The following TMCO6 variants were observed in gnomAD, a reference collection of about 807,000 sequenced individuals.
TMCO6 encodes transmembrane and coiled-coil domain-containing protein 6.
In TMCO6, 47 loss-of-function variants were observed where a neutral mutation model predicts 61.8. The ratio of observed to expected loss-of-function variants is 0.76; its 90% CI spans 0.60 to 0.97. The LOEUF is 0.97. TMCO6 is among the 50% of genes least tolerant of loss of function. TMCO6 has a pLI of 0.00. For missense variants in TMCO6, 557 were observed against 601.6 expected (o/e 0.93, Z 0.78); for synonymous variants, 261 against 254.2 (o/e 1.03, Z -0.25).
upstream of TMCO6, among the ~76,000 whole-genome samples, chr5:140,638,318 C>T (rs1756825673): frequency 6.6e-6 from 1 of 152,094 alleles, no homozygotes; most frequent in Non-Finnish European, 1.5e-5. Context: ...GAAGGGGTGC[C>T]TGTAATGAAC....
At chr5:140,624,373 GAATAAATA>G in the TMCO6 span, among the ~76,000 whole-genome samples, 2 of 150,812 alleles carry the variant, frequency 1.3e-5, no homozygotes, top group African/African-American at 2.4e-5. Flanking sequence ...CAAAATAAAT[GAATAAATA>G]AATAAATAAA....
the TMCO6 span, among the ~76,000 whole-genome samples, chr5:140,622,453 A>C: frequency 6.6e-6 from 1 of 152,156 alleles, no homozygotes; most frequent in Non-Finnish European, 1.5e-5. Context: ...CAGGATACAC[A>C]GGAGTGGAGG....
At chr5:140,644,800 C>T in intron 11 of TMCO6, 60 bp downstream of exon 11, 1 of 1,589,114 alleles carries the variant, frequency 6.3e-7, no homozygotes, top group Non-Finnish European at 8.6e-7. Flanking sequence ...CAGTGGCTCC[C>T]TTCCCATCCA....
chr5:140,631,817 C>G, the TMCO6 span: 1 of 1,513,094 alleles, frequency 6.6e-7, no homozygotes, highest in Non-Finnish European at 8.9e-7. Flanking sequence ...CCCCTGAAGC[C>G]AAGGCAGTTT....
chr5:140,647,421 G>A (rs574408648), downstream of TMCO6: 3 of 1,610,408 alleles, frequency 1.9e-6, no homozygotes, highest in South Asian at 3.3e-5. Context: ...TCAACTTCAG[G>A]GAGGTCGAGG....
chr5:140,605,462 C>T, the TMCO6 span, among the ~76,000 whole-genome samples: 1 of 151,922 alleles, frequency 6.6e-6, no homozygotes, highest in South Asian at 2.1e-4. Flanking sequence ...GGTGCATCAC[C>T]TGAGGTCAGG....
chr5:140,597,418 C>T, the TMCO6 span, among the ~76,000 whole-genome samples: 1 of 152,212 alleles, frequency 6.6e-6, no homozygotes, highest in South Asian at 2.1e-4. Flanking sequence ...GGTGTGCAGG[C>T]TTCCATTCAA....
the TMCO6 span, among the ~76,000 whole-genome samples, chr5:140,611,305 G>A: frequency 1.1e-4 from 16 of 152,078 alleles, no homozygotes; most frequent in African/African-American, 1.9e-4. Flanking sequence ...CATCACTCCC[G>A]CCACCCCCAG....
downstream of TMCO6, among the ~76,000 whole-genome samples, chr5:140,646,268 C>A (rs1757392151): frequency 6.6e-6 from 1 of 152,300 alleles, no homozygotes; most frequent in East Asian, 1.9e-4. Context: ...GCTTCAGCCT[C>A]CCAAAGTGCT....
the TMCO6 span, among the ~76,000 whole-genome samples, chr5:140,601,281 G>A: frequency 1.3e-5 from 2 of 152,150 alleles, no homozygotes; most frequent in African/African-American, 2.4e-5. Flanking sequence ...AAGGCCTTGG[G>A]TCTGCAATGG....
the TMCO6 span, among the ~76,000 whole-genome samples, chr5:140,613,552 G>A: frequency 1.3e-5 from 2 of 151,890 alleles, no homozygotes; most frequent in South Asian, 4.1e-4. Flanking sequence ...TGACTGTTTC[G>A]GTTTTTACAC....
At position 140,642,486 on chromosome 5, in the gene TMCO6, G is replaced by A. The variant is rs138690094; in HGVS notation, c.603+67G>A. On this transcript the variant is annotated intron_variant, in intron 5 of 11. Transcript: ENST00000394671. The stretch of plus-strand genomic sequence containing the variant: ...CTCCCCACATGCTCCATCTACTTTG[G>A]TTAGGTAGCTCCAGCCTCTGCCCTG... 2,988 of 1,603,498 alleles carry A rather than the reference G, an allele frequency of 1.9e-3. 1 individual carries two copies. Among genetic ancestry groups the A allele is most frequent in the Non-Finnish European group, 2.4e-3 (2,864 of 1,170,820 alleles).
At chr5:140,606,206 A>C in the TMCO6 span, among the ~76,000 whole-genome samples, 1 of 142,874 alleles carries the variant, frequency 7.0e-6, no homozygotes, top group South Asian at 2.2e-4. Flanking sequence ...TCTGTCACCC[A>C]GGCTGGAGTG....
At chr5:140,616,237 A>T in the TMCO6 span, among the ~76,000 whole-genome samples, 1 of 152,226 alleles carries the variant, frequency 6.6e-6, no homozygotes, top group Admixed American at 6.5e-5. Flanking sequence ...GTAGAAACAG[A>T]TAAAGGGACT....
the TMCO6 span, among the ~76,000 whole-genome samples, chr5:140,612,332 A>ATTT: frequency 8.8e-6 from 1 of 113,700 alleles, no homozygotes; most frequent in African/African-American, 3.4e-5. Context: ...AACTTGCCCA[A>ATTT]TCTTTTTTTT....
chr5:140,606,685 G>T, the TMCO6 span, among the ~76,000 whole-genome samples: 1 of 152,154 alleles, frequency 6.6e-6, no homozygotes. Flanking sequence ...CTAGCACTTT[G>T]GGAGGCCGAG....
downstream of TMCO6, chr5:140,647,412 C>A (rs754726383): frequency 1.1e-5 from 17 of 1,610,598 alleles, no homozygotes; most frequent in Non-Finnish European, 1.4e-5. Flanking sequence ...GGGCTTCCCT[C>A]AACTTCAGGG....
intron 2 of TMCO6, chr5:140,641,353 G>T: frequency 3.5e-6 from 1 of 289,222 alleles, no homozygotes; most frequent in Non-Finnish European, 6.7e-6. Flanking sequence ...AGTAGGTTTT[G>T]CCAGGCTGAG....
chr5:140,633,155 G>T, the TMCO6 span: 2 of 1,561,294 alleles, frequency 1.3e-6, no homozygotes, highest in Non-Finnish European at 1.8e-6. Context: ...GCACCCGCCG[G>T]CTTCCAGGCT....
Sources: gnomAD v4.1 joint callset for allele counts (sites outside exome capture counted in the v4.1 genomes callset) on GRCh38, gnomAD v4.1.1 for gene constraint, MANE v1.5 for transcripts, NCBI Gene and HGNC (gene_info 2026-07-23, HGNC 2026-07-21) for gene names.